The following EP300 variants were observed in gnomAD, a reference collection of about 807,000 sequenced individuals.
EP300 encodes the protein EP300 lysine acetyltransferase, also known as histone acetyltransferase p300.
EP300 carries 31 observed loss-of-function variants against 264.0 expected under a neutral mutation model. That is an observed-to-expected ratio of 0.12 (90% CI 0.09 to 0.16). EP300 has a LOEUF of 0.16. Among genes scored for constraint, EP300 ranks in the 10% least tolerant of loss-of-function variants. The pLI, the probability that EP300 is intolerant of heterozygous loss-of-function variation, is 1.00. For synonymous variants in EP300, 1,340 were observed against 1,045.4 expected, an observed-to-expected ratio of 1.28 and a Z score of -5.44; for missense variants, 2,766 against 3,052.9, an observed-to-expected ratio of 0.91 and a Z score of 2.21.
At position 41,160,249 on chromosome 22, in the gene EP300, T is replaced by TC. The variant is rs571858568; in HGVS notation, c.3591-390dup. On this transcript the variant is annotated intron_variant, in intron 19 of 30. Coordinates refer to ENST00000263253, the MANE Select transcript of EP300 (RefSeq NM_001429.4). ...TGCAGTAATCATTTGCTACTTGTGA[T>TC]CCCATTTGAGATATTTAATGCTAAT... 2.7e-4 allele frequency: 66 copies of TC among 246,800 alleles called. No homozygotes were observed. The East Asian group carries it at 6.6e-3, about 25-fold the overall frequency. The allele number at this position is 246,800 out of a possible 1,614,324, so 15.3% of individuals were successfully genotyped here. A position where few individuals can be genotyped will look rare whatever the true frequency, so the allele number is the denominator to read the frequency against.
At chr22:41,158,760 G>A (rs1045912685) in intron 19 of EP300, 2 of 467,138 alleles carry the variant, frequency 4.3e-6, no homozygotes, top group African/African-American at 2.0e-5. Flanking sequence ...GGCCTAGATG[G>A]GTCTATATCC....
At chr22:41,166,181 G>C (rs1238723018) in intron 22 of EP300, among the ~76,000 whole-genome samples, 1 of 152,180 alleles carries the variant, frequency 6.6e-6, no homozygotes, top group Non-Finnish European at 1.5e-5. Flanking sequence ...TGATGAACAA[G>C]TTTATACAAG....
chr22:41,143,542 A>G (rs181851839), intron 10 of EP300, among the ~76,000 whole-genome samples: 1 of 152,174 alleles, frequency 6.6e-6, no homozygotes, highest in East Asian at 1.9e-4. Context: ...TCTCATCTTC[A>G]TGTTTCTTTA....
chr22:41,128,758 G>A (rs530278981), intron 4 of EP300, among the ~76,000 whole-genome samples: 5 of 152,018 alleles, frequency 3.3e-5, no homozygotes, highest in East Asian at 1.9e-4. Flanking sequence ...TGGTCCACCC[G>A]CCTTGGCCTC....
At chr22:41,095,033 A>G (rs568927292) in intron 1 of EP300, among the ~76,000 whole-genome samples, 1 of 152,198 alleles carries the variant, frequency 6.6e-6, no homozygotes, top group African/African-American at 2.4e-5. Context: ...TCATAATGCT[A>G]AGAGTTTATC....
In EP300 at chr22:41,157,156, C is replaced by A. The variant is rs201730331; in HGVS notation, c.3262-13C>A. On this transcript the variant is annotated splice_polypyrimidine_tract_variant and intron_variant, in intron 17 of 30. Coordinates refer to ENST00000263253, the MANE Select transcript of EP300 (RefSeq NM_001429.4). ...GAGACTTGAGTAATGTTTGATGTCA[C>A]TTGTCTTTCTAGGATTACTTTGATA... is the stretch of plus-strand genomic sequence containing the variant. 2.5e-6 allele frequency: 4 copies of A among 1,613,814 alleles called. No individual in the cohort carries two copies. The highest frequency in any genetic ancestry group is 3.4e-6 in the Non-Finnish European group (4 of 1,179,906).
chr22:41,145,438 C>G (rs953438093), intron 10 of EP300, among the ~76,000 whole-genome samples: 4 of 152,180 alleles, frequency 2.6e-5, no homozygotes, highest in African/African-American at 9.7e-5. Flanking sequence ...GTCTTCCTCT[C>G]CTATGCCTGA....
chr22:41,138,045 T>C (rs1476350611), intron 8 of EP300, among the ~76,000 whole-genome samples: 1 of 152,218 alleles, frequency 6.6e-6, no homozygotes, highest in African/African-American at 2.4e-5. Flanking sequence ...GTAAATAATA[T>C]ATTAAACATT....
chr22:41,111,272 G>A (rs1190165275), intron 1 of EP300, among the ~76,000 whole-genome samples: 2 of 152,048 alleles, frequency 1.3e-5, no homozygotes, highest in East Asian at 1.9e-4. Flanking sequence ...CACTGTGCCC[G>A]GCTCTACATT....
At chr22:41,093,130 C>G (rs199869624) in intron 1 of EP300, 32 bp downstream of exon 1, 18 of 1,604,472 alleles carry the variant, frequency 1.1e-5, no homozygotes, top group Non-Finnish European at 1.5e-5. Flanking sequence ...CTTCCACGTT[C>G]CCTTTAATCT....
At chr22:41,171,909 G>A (rs2059173057) in intron 27 of EP300, among the ~76,000 whole-genome samples, 1 of 151,932 alleles carries the variant, frequency 6.6e-6, no homozygotes, top group South Asian at 2.1e-4. Flanking sequence ...CACTGCACCT[G>A]GCCAAAAATA....
At chr22:41,169,398 A>G (rs546991829) in intron 25 of EP300, 105 bp from the exon 26 acceptor site, 4 of 769,526 alleles carry the variant, frequency 5.2e-6, no homozygotes, top group Non-Finnish European at 6.8e-6. Flanking sequence ...CGATGTGAGC[A>G]AAGAGCCTGG....
intron 29 of EP300, among the ~76,000 whole-genome samples, chr22:41,175,741 T>C (rs1264093393): frequency 6.6e-6 from 1 of 152,256 alleles, no homozygotes; most frequent in Non-Finnish European, 1.5e-5. Context: ...AAATGTCCAC[T>C]GTGCATGGTG....
intron 27 of EP300, 73 bp from the exon 28 acceptor site, chr22:41,172,426 C>G (rs2145769680): frequency 7.5e-7 from 1 of 1,338,452 alleles, no homozygotes; most frequent in Admixed American, 1.8e-5. Context: ...TTCTTGTCAG[C>G]CATGATTATT....
At chr22:41,118,588 T>C (rs1601599000) in intron 2 of EP300, among the ~76,000 whole-genome samples, 1 of 152,326 alleles carries the variant, frequency 6.6e-6, no homozygotes, top group East Asian at 1.9e-4. Context: ...TGGAGATAGG[T>C]ACGATTTTCA....
chr22:41,092,816 T>C lies in EP300; in HGVS notation c.-189T>C. 1 of 693,546 alleles carries C rather than the reference T, an allele frequency of 1.4e-6. No individual in the cohort carries two copies. Among genetic ancestry groups the C allele is most frequent in the Non-Finnish European group, 2.6e-6 (1 of 385,136 alleles). The allele number at this position is 693,546 out of a possible 1,614,324, so 43.0% of individuals were successfully genotyped here. On this transcript the variant is annotated 5_prime_UTR_variant, in exon 1 of 31. Coordinates refer to ENST00000263253, the MANE Select transcript of EP300 (RefSeq NM_001429.4). ...GGCCCCTCGCACTTGCCCTTACCTTTTCTATCGAGTCCGCATCCCTCTCCA... is the reference window on the plus strand; with the variant it reads ...GGCCCCTCGCACTTGCCCTTACCTTCTCTATCGAGTCCGCATCCCTCTCCA...
chr22:41,103,732 T>C (rs953800890), intron 1 of EP300, among the ~76,000 whole-genome samples: 1 of 152,166 alleles, frequency 6.6e-6, no homozygotes, highest in Non-Finnish European at 1.5e-5. Context: ...AAGAGAAATA[T>C]GCTAAGGAAT....
intron 19 of EP300, chr22:41,160,418 GCAAAAAAAAAAA>G (rs1375065837): frequency 7.2e-6 from 3 of 416,906 alleles, no homozygotes; most frequent in African/African-American, 2.6e-5. Context: ...GGCTTTGATT[GCAAAAAAAAAAA>G]CAAAAAAAAA....
At chr22:41,176,678 A>G in intron 30 of EP300, 95 bp from the exon 31 acceptor site, 2 of 1,612,364 alleles carry the variant, frequency 1.2e-6, no homozygotes, top group South Asian at 1.1e-5. Context: ...TTTTTGTTCT[A>G]CGAAAGGGGC....
Sources: allele counts gnomAD v4.1 joint callset (sites outside exome capture counted in the v4.1 genomes callset), GRCh38; gene constraint gnomAD v4.1.1; transcripts MANE v1.5; gene names NCBI Gene and HGNC (gene_info 2026-07-23, HGNC 2026-07-21).